EPHA7: variants seen among roughly 807,000 people sequenced by gnomAD.
EPHA7 encodes the protein ephrin type-A receptor 7.
In EPHA7, 25 loss-of-function variants were observed where a neutral mutation model predicts 112.6. The ratio of observed to expected loss-of-function variants is 0.22; its 90% CI spans 0.16 to 0.31. The LOEUF (loss-of-function observed/expected upper bound fraction) is 0.31. Among genes scored for constraint, EPHA7 ranks in the 10% least tolerant of loss-of-function variants. EPHA7 has a pLI of 1.00. For missense variants in EPHA7, 962 were observed against 1,212.6 expected, an observed-to-expected ratio of 0.79 and a Z score of 3.07; for synonymous variants, 437 against 406.5, an observed-to-expected ratio of 1.07 and a Z score of -0.90.
At chr6:93,264,569 A>C in intron 8 of EPHA7, 25 bp downstream of exon 8, 2 of 1,418,384 alleles carry the variant, frequency 1.4e-6, no homozygotes, top group South Asian at 1.2e-5. Flanking sequence ...TTTATGTTAG[A>C]GATTAGAACA....
chr6:93,374,123 T>C (rs1776936413), intron 3 of EPHA7, among the ~76,000 whole-genome samples: 1 of 152,108 alleles, frequency 6.6e-6, no homozygotes, highest in South Asian at 2.1e-4. Flanking sequence ...TCAGGTCAAA[T>C]CTAGAGATAG....
At chr6:93,325,160 A>C (rs990337615) in intron 5 of EPHA7, among the ~76,000 whole-genome samples, 37 of 151,374 alleles carry the variant, frequency 2.4e-4, no homozygotes, top group African/African-American at 8.7e-4. Flanking sequence ...GCATATAGGG[A>C]AACACTTGTT....
chr6:93,305,609 A>G (rs1157853151), intron 5 of EPHA7, among the ~76,000 whole-genome samples: 3 of 151,898 alleles, frequency 2.0e-5, no homozygotes. Context: ...TTTCTTTTTC[A>G]TTCTTCAATA....
chr6:93,288,976 A>G (rs1292206972), intron 5 of EPHA7, among the ~76,000 whole-genome samples: 1 of 152,206 alleles, frequency 6.6e-6, no homozygotes, highest in East Asian at 1.9e-4. Context: ...TTGCTAACCA[A>G]TATGTTCCCA....
chr6:93,315,326 C>A (rs1361030395), intron 5 of EPHA7, among the ~76,000 whole-genome samples: 2 of 152,036 alleles, frequency 1.3e-5, no homozygotes, highest in Non-Finnish European at 2.9e-5. Context: ...AGGGTAATTT[C>A]TTGTAAGCCA....
chr6:93,333,860 G>A (rs1774724860), intron 5 of EPHA7, among the ~76,000 whole-genome samples: 1 of 151,888 alleles, frequency 6.6e-6, no homozygotes, highest in African/African-American at 2.4e-5. Context: ...TTGTTAAAAT[G>A]GCCATTTGCT....
chr6:93,361,807 A>C (rs140259764), intron 3 of EPHA7, among the ~76,000 whole-genome samples: 7 of 152,246 alleles, frequency 4.6e-5, no homozygotes, highest in Admixed American at 2.6e-4. Flanking sequence ...TCAATAGCAC[A>C]TGAATTCAAA....
Position 93,269,714 on chromosome 6 carries a change from G to A in EPHA7, c.1450-54C>T, listed in dbSNP as rs572797391. On this transcript the variant is annotated intron_variant, in intron 6 of 16. Coordinates refer to ENST00000369303, the MANE Select transcript of EPHA7 (RefSeq NM_004440.4). ...AATTGTGATTGCAACCAGACAATTT[G>A]ACAGCCAACTGTTTCAATTTAATTC... is the stretch of plus-strand genomic sequence containing the variant. 9.7e-5 allele frequency: 131 copies of A among 1,348,032 alleles called. No individual in the cohort carries two copies. The African/African-American group carries it at 1.9e-3, about 19-fold the overall frequency. The allele number at this position is 1,348,032 out of a possible 1,614,324, so 83.5% of individuals were successfully genotyped here. A position where few individuals can be genotyped will look rare whatever the true frequency, so the allele number is the denominator to read the frequency against.
intron 5 of EPHA7, among the ~76,000 whole-genome samples, chr6:93,332,150 A>G (rs748184417): frequency 1.3e-5 from 2 of 151,692 alleles, no homozygotes; most frequent in Non-Finnish European, 3.0e-5. Flanking sequence ...GTGTATTTAC[A>G]GTGAAGCTCA....
chr6:93,240,078 A>T lies in EPHA7; in HGVS notation c.*3348T>A, dbSNP rs1769626696. 4.5e-6 allele frequency: 1 copy of T among 222,292 alleles called. No homozygotes were observed. Among genetic ancestry groups the T allele is most frequent in the Non-Finnish European group, 9.0e-6 (1 of 111,114 alleles). The allele number at this position is 222,292 out of a possible 1,614,324, so 13.8% of individuals were successfully genotyped here. A position where few individuals can be genotyped will look rare whatever the true frequency, so the allele number is the denominator to read the frequency against. ...ATTTTAAGCTGGTAAAAAGAGACTTATGATTCATGTTGAAGAAAGAGTTAT... is the reference window on the plus strand; with the variant it reads ...ATTTTAAGCTGGTAAAAAGAGACTTTTGATTCATGTTGAAGAAAGAGTTAT... On this transcript the variant is annotated 3_prime_UTR_variant, in exon 17 of 17. Coordinates refer to ENST00000369303, the MANE Select transcript of EPHA7 (RefSeq NM_004440.4).
chr6:93,299,052 C>T (rs960985440), intron 5 of EPHA7, among the ~76,000 whole-genome samples: 1 of 152,094 alleles, frequency 6.6e-6, no homozygotes, highest in Admixed American at 6.5e-5. Context: ...CTCAGCCGGG[C>T]GCGGTGGCTC....
chr6:93,298,896 T>C (rs1371684731), intron 5 of EPHA7, among the ~76,000 whole-genome samples: 2 of 152,162 alleles, frequency 1.3e-5, no homozygotes, highest in Non-Finnish European at 2.9e-5. Flanking sequence ...ATCTTCTCTC[T>C]TTTCTGCTTT....
intron 3 of EPHA7, among the ~76,000 whole-genome samples, chr6:93,390,567 G>C (rs1015939814): frequency 1.0e-4 from 14 of 136,156 alleles, no homozygotes; most frequent in African/African-American, 3.8e-4. Flanking sequence ...GTTCAGCCAG[G>C]ACAAAAAAAA....
Position 93,346,867 on chromosome 6 carries a change from T to C in EPHA7, c.1324+9850A>G, listed in dbSNP as rs1463260147. On this transcript the variant is annotated intron_variant, in intron 5 of 16. Coordinates refer to ENST00000369303, the MANE Select transcript of EPHA7 (RefSeq NM_004440.4). ...TGAATATTCAGCTTACAAACTTCTT[T>C]ACTCTAAAGTGGCTATTTATTTGCA... Among the ~76,000 whole-genome samples, 3 of 151,830 alleles carry C rather than the reference T, an allele frequency of 2.0e-5. No individual in the cohort carries two copies. In the Admixed American group the frequency reaches 2.0e-4, roughly 10 times the overall value.
At chr6:93,256,134 G>A in intron 12 of EPHA7, 97 bp from the exon 13 acceptor site, 5 of 1,045,724 alleles carry the variant, frequency 4.8e-6, no homozygotes, top group South Asian at 1.5e-5. Flanking sequence ...ATTTGCTATT[G>A]TATAATAGGA....
intron 3 of EPHA7, among the ~76,000 whole-genome samples, chr6:93,409,113 A>C (rs768436602): frequency 9.2e-5 from 14 of 152,122 alleles, no homozygotes; most frequent in Non-Finnish European, 1.9e-4. Flanking sequence ...TATATAGCAC[A>C]GGTCTAAACT....
At chr6:93,359,168 C>G (rs1776113692) in intron 3 of EPHA7, among the ~76,000 whole-genome samples, 1 of 152,104 alleles carries the variant, frequency 6.6e-6, no homozygotes, top group South Asian at 2.1e-4. Context: ...AACACAGCAA[C>G]TTTTCTCAGC....
chr6:93,389,282 C>A (rs1193955325), intron 3 of EPHA7, among the ~76,000 whole-genome samples: 1 of 152,018 alleles, frequency 6.6e-6, no homozygotes, highest in African/African-American at 2.4e-5. Flanking sequence ...TTTCTATGTG[C>A]TAGTACTTTG....
rs1056560709 is a variant in EPHA7, at chr6:93,241,343, G to C, written c.*2083C>G. ...TCACAAAGGCCAATGCTACTGATTA[G>C]AATTGTAAAGTGCTGGACTTAGTAT... On this transcript the variant is annotated 3_prime_UTR_variant, in exon 17 of 17. Coordinates refer to ENST00000369303, the MANE Select transcript of EPHA7 (RefSeq NM_004440.4). 1 of 216,356 alleles carries C rather than the reference G, an allele frequency of 4.6e-6. No homozygotes were observed. The highest frequency in any genetic ancestry group is 9.3e-6 in the Non-Finnish European group (1 of 107,178). The allele number at this position is 216,356 out of a possible 1,614,324, so 13.4% of individuals were successfully genotyped here.
Sources: gnomAD v4.1 joint callset for allele counts (sites outside exome capture counted in the v4.1 genomes callset) on GRCh38, gnomAD v4.1.1 for gene constraint, MANE v1.5 for transcripts, NCBI Gene and HGNC (gene_info 2026-07-23, HGNC 2026-07-21) for gene names.